Variants in CAMTA1 observed in about 807,000 individuals in gnomAD.
CAMTA1 encodes the protein calmodulin binding transcription activator 1.
In CAMTA1, 27 loss-of-function variants were observed where a neutral mutation model predicts 170.9. That is an observed-to-expected ratio of 0.16 (90% CI 0.12 to 0.22). The LOEUF is 0.22. Among genes scored for constraint, CAMTA1 ranks in the 10% least tolerant of loss-of-function variants. The pLI is 1.00. For missense variants in CAMTA1, 1,619 were observed against 2,217.2 expected, an observed-to-expected ratio of 0.73 and a Z score of 5.42; for synonymous variants, 833 against 891.5, an observed-to-expected ratio of 0.93 and a Z score of 1.17.
rs1706767115 is a variant in CAMTA1, at chr1:7,053,397, C to A, written c.235-37907C>A. On this transcript the variant is annotated intron_variant, in intron 3 of 22. Transcript: ENST00000303635. ...GGCGAGGTGTGATGCGGGAGCGTGG[C>A]AGCCCCCTCTCTGGTCTCCTGCATC... 2.0e-5 allele frequency among the ~76,000 whole-genome samples: 3 copies of A among 152,222 alleles called. No homozygotes were observed. The South Asian group carries it at 6.2e-4, about 31-fold the overall frequency.
intron 4 of CAMTA1, among the ~76,000 whole-genome samples, chr1:7,103,715 ACACACATGTACACAC>A (rs1284979356): frequency 1.3e-5 from 2 of 149,908 alleles, no homozygotes; most frequent in South Asian, 2.1e-4. Context: ...TGTATACATG[ACACACATGTACACAC>A]CACACATGTA....
At chr1:6,819,639 A>C (rs1041772135) in intron 1 of CAMTA1, among the ~76,000 whole-genome samples, 3 of 152,236 alleles carry the variant, frequency 2.0e-5, no homozygotes, top group African/African-American at 7.2e-5. Flanking sequence ...TCATCAGCAC[A>C]GACCTTTTCT....
At chr1:7,676,282 G>T (rs1179489725) in intron 10 of CAMTA1, among the ~76,000 whole-genome samples, 2 of 152,250 alleles carry the variant, frequency 1.3e-5, no homozygotes, top group African/African-American at 4.8e-5. Flanking sequence ...GACCTCCACT[G>T]TGGAGTCCTT....
At chr1:7,217,057 C>T (rs146990187) in intron 4 of CAMTA1, among the ~76,000 whole-genome samples, 25 of 152,290 alleles carry the variant, frequency 1.6e-4, no homozygotes, top group African/African-American at 6.0e-4. Context: ...TATGGTTCGG[C>T]TCTGTGTCTC....
intron 3 of CAMTA1, among the ~76,000 whole-genome samples, chr1:6,868,138 A>T (rs977210825): frequency 6.8e-6 from 1 of 148,100 alleles, no homozygotes; most frequent in African/African-American, 2.4e-5. Context: ...TGTTGAATAT[A>T]CTTGCTGAGG....
chr1:6,909,343 G>A (rs1199872241), intron 3 of CAMTA1, among the ~76,000 whole-genome samples: 2 of 152,208 alleles, frequency 1.3e-5, no homozygotes, highest in African/African-American at 4.8e-5. Flanking sequence ...CTAAGCAAAA[G>A]TATAGTTATT....
At position 7,585,993 on chromosome 1, in the gene CAMTA1, C is replaced by T. The variant is rs140734553; in HGVS notation, c.511-54407C>T. Among the ~76,000 whole-genome samples the T allele has an allele frequency of 6.1e-3, 932 of 152,202 alleles. 5 individuals are homozygous for T. Among genetic ancestry groups the T allele is most frequent in the Non-Finnish European group, 8.6e-3 (586 of 68,028 alleles). ...CACTCACAGGGCAGGGACAAGTTTG[C>T]GGTAGAAATCCCCAAGATTGTGGGA... On this transcript the variant is annotated intron_variant, in intron 6 of 22. Coordinates refer to ENST00000303635, the MANE Select transcript of CAMTA1 (RefSeq NM_015215.4). This position sits in a 1 kb window ranked among gnomAD's most constrained non-coding sequence, Gnocchi z 4.8.
At chr1:6,943,846 C>CAAAAAAAAAAAAAAAAA (rs1198830005) in intron 3 of CAMTA1, among the ~76,000 whole-genome samples, 1 of 51,700 alleles carries the variant, frequency 1.9e-5, no homozygotes, top group African/African-American at 7.5e-5. Context: ...GACTCTGTCT[C>CAAAAAAAAAAAAAAAAA]AAAAAAAAAA....
chr1:7,326,578 C>T (rs755406262), intron 5 of CAMTA1, among the ~76,000 whole-genome samples: 20 of 152,240 alleles, frequency 1.3e-4, no homozygotes, highest in Non-Finnish European at 2.4e-4. Context: ...GAGGAAAAAA[C>T]GTGAAGTGAT....
At chr1:6,952,227 G>A (rs939196657) in intron 3 of CAMTA1, among the ~76,000 whole-genome samples, 4 of 151,370 alleles carry the variant, frequency 2.6e-5, no homozygotes, top group Admixed American at 2.6e-4. Context: ...TCAGGAGATC[G>A]AGACCATCCT....
intron 3 of CAMTA1, among the ~76,000 whole-genome samples, chr1:7,004,929 G>A (rs1698761328): frequency 1.3e-5 from 2 of 152,074 alleles, no homozygotes; most frequent in Admixed American, 1.3e-4. Context: ...CATCACACCC[G>A]GCTAATTTTT....
chr1:6,844,508 CAAAAAAAAAA>C (rs34365054), intron 3 of CAMTA1, among the ~76,000 whole-genome samples: 2 of 96,542 alleles, frequency 2.1e-5, no homozygotes, highest in East Asian at 2.8e-4. Flanking sequence ...CATTGCATTA[CAAAAAAAAAA>C]AAAAAAAAAA....
intron 11 of CAMTA1, chr1:7,694,325 T>C (rs1048075440): frequency 3.3e-5 from 5 of 152,180 alleles, no homozygotes; most frequent in Middle Eastern, 3.2e-3. Flanking sequence ...CTATGAGAAA[T>C]AGTTTGGGTG....
chr1:7,531,823 T>C (rs1201818685), intron 6 of CAMTA1, among the ~76,000 whole-genome samples: 2 of 152,258 alleles, frequency 1.3e-5, no homozygotes, highest in African/African-American at 4.8e-5. Flanking sequence ...CAGAGGACTA[T>C]GACGGGGCAG....
At chr1:7,098,084 G>T (rs141060411) in intron 4 of CAMTA1, among the ~76,000 whole-genome samples, 1 of 149,484 alleles carries the variant, frequency 6.7e-6, no homozygotes, top group East Asian at 2.0e-4. Context: ...GGCAGGATTG[G>T]CTGGGGTGGA....
chr1:7,321,385 G>A (rs762606211), intron 5 of CAMTA1, among the ~76,000 whole-genome samples: 4 of 152,278 alleles, frequency 2.6e-5, no homozygotes, highest in East Asian at 1.9e-4. Context: ...TTCTCTGTCA[G>A]CCTCTCCTTC....
chr1:7,541,742 A>C (rs2094613689), intron 6 of CAMTA1, among the ~76,000 whole-genome samples: 1 of 152,208 alleles, frequency 6.6e-6, no homozygotes, highest in Non-Finnish European at 1.5e-5. Context: ...CACGTGATTA[A>C]CTTTCCAGGC....
intron 3 of CAMTA1, among the ~76,000 whole-genome samples, chr1:6,895,015 C>T (rs549415882): frequency 6.6e-6 from 1 of 152,334 alleles, no homozygotes; most frequent in African/African-American, 2.4e-5. Context: ...CAAGAGGTAG[C>T]TCAGGCAAAC....
At chr1:7,182,165 T>C (rs953893535) in intron 4 of CAMTA1, among the ~76,000 whole-genome samples, 3 of 152,018 alleles carry the variant, frequency 2.0e-5, no homozygotes, top group African/African-American at 4.8e-5. Context: ...TGGAAGAAGA[T>C]AAAATTAATG....
Sources: allele counts gnomAD v4.1 joint callset (sites outside exome capture counted in the v4.1 genomes callset), GRCh38; gene constraint gnomAD v4.1.1; non-coding constraint Gnocchi (gnomAD v3.1); transcripts MANE v1.5; gene names NCBI Gene and HGNC (gene_info 2026-07-23, HGNC 2026-07-21).